ULBP3: variants seen among roughly 807,000 people sequenced by gnomAD.
ULBP3 encodes UL16-binding protein 3.
A neutral mutation model predicts 24.9 loss-of-function variants in ULBP3; 25 were observed. The ratio of observed to expected loss-of-function variants is 1.00; its 90% CI spans 0.73 to 1.40. The LOEUF (loss-of-function observed/expected upper bound fraction) is 1.40, where lower values mean the gene tolerates loss of function less well. Ranked by LOEUF, ULBP3 falls within the 40% of genes most tolerant of loss-of-function variation. The pLI, the probability that ULBP3 is intolerant of heterozygous loss-of-function variation, is 0.00. For missense variants in ULBP3, 306 were observed against 307.5 expected, an observed-to-expected ratio of 1.00 and a Z score of 0.04; for synonymous variants, 114 against 114.7, an observed-to-expected ratio of 0.99 and a Z score of 0.04.
chr6:150,065,533 C>T lies in ULBP3; in HGVS notation c.493G>A (p.Gly165Arg). 6.2e-7 allele frequency: 1 copy of T among 1,614,188 alleles called. No individual in the cohort carries two copies. The highest frequency in any genetic ancestry group is 1.3e-5 in the African/African-American group (1 of 75,038). The stretch of plus-strand genomic sequence containing the variant: ...CACTTCTCTTTCATCCGCCTGGCTC[C>T]AGCGTGAACCACTGTCCACTTTCTG... Reference protein sequence around the residue: ...NNRKWTVVHAGARRMKEKWEK... With the variant: ...NNRKWTVVHARARRMKEKWEK... The change falls in exon 3 of 5, where the codon GGA becomes AGA. Residue 165 changes from glycine to arginine, a missense_variant. Physicochemically the swap from Gly to Arg is moderately radical, Grantham distance 125. Coordinates refer to ENST00000367339, the MANE Select transcript of ULBP3 (RefSeq NM_024518.3).
At chr6:150,064,956 G>A (rs1016464129) in intron 3 of ULBP3, among the ~76,000 whole-genome samples, 17 of 151,918 alleles carry the variant, frequency 1.1e-4, no homozygotes, top group Admixed American at 3.9e-4. Context: ...CTGCTGTGGC[G>A]GAAGAGGAGG....
chr6:150,068,650 C>T (rs114958871), intron 1 of ULBP3, among the ~76,000 whole-genome samples: 3,668 of 152,318 alleles, frequency 0.024, 149 homozygotes, highest in African/African-American at 0.082. Flanking sequence ...GTTCCGGGGG[C>T]TCTGGTTTCT....
At chr6:150,065,765 C>G in intron 2 of ULBP3, 92 bp from the exon 3 acceptor site, 1 of 1,581,254 alleles carries the variant, frequency 6.3e-7, no homozygotes, top group East Asian at 2.2e-5. Flanking sequence ...TCATCTGGTC[C>G]TGTTGTCTCC....
intron 1 of ULBP3, among the ~76,000 whole-genome samples, chr6:150,067,034 C>T (rs535063941): frequency 3.7e-4 from 57 of 152,220 alleles, no homozygotes; most frequent in African/African-American, 1.3e-3. Context: ...TAGCTGGGGT[C>T]CTCAGTCTTA....
intron 3 of ULBP3, 150 bp from the exon 4 acceptor site, chr6:150,064,863 A>G: frequency 2.6e-6 from 2 of 784,080 alleles, no homozygotes; most frequent in East Asian, 5.5e-5. Flanking sequence ...TCCTGGGGGT[A>G]GGAAGGGAGA....
rs1302909682 is a variant in ULBP3, at chr6:150,063,334, C to G, written c.*40G>C. Reference sequence around the variant, plus strand: ...AACCAGACCAGGCTAACAGAGGCTTCTTGATATCACCTTCCACCTTGAGGA... The same window carrying G: ...AACCAGACCAGGCTAACAGAGGCTTGTTGATATCACCTTCCACCTTGAGGA... On this transcript the variant is annotated 3_prime_UTR_variant, in exon 5 of 5. Transcript: ENST00000367339. 1.0e-6 allele frequency: 1 copy of G among 978,568 alleles called. No homozygotes were observed. The highest frequency in any genetic ancestry group is 1.1e-4 in the East Asian group (1 of 8,796). 60.6% of individuals were successfully genotyped at this position (978,568 alleles called of 1,614,324 possible).
At position 150,061,633 on chromosome 6, in the gene ULBP3, A is replaced by AT. The variant is rs1366190621; in HGVS notation, c.*1740dup. On this transcript the variant is annotated 3_prime_UTR_variant, in exon 5 of 5. Transcript: ENST00000367339. ...GATTTCCATGGTGTTTATGTACCACATTTTTTTCATTCAATTCAGTGTTGC... is the reference window on the plus strand; with the variant it reads ...GATTTCCATGGTGTTTATGTACCACATTTTTTTTCATTCAATTCAGTGTTGC... Among the ~76,000 whole-genome samples, 1 of 152,082 alleles carries AT rather than the reference A, an allele frequency of 6.6e-6. No individual in the cohort carries two copies. Among genetic ancestry groups the AT allele is most frequent in the Non-Finnish European group, 1.5e-5 (1 of 68,004 alleles).
At chr6:150,068,397 C>T (rs1446327391) in intron 1 of ULBP3, among the ~76,000 whole-genome samples, 3 of 152,162 alleles carry the variant, frequency 2.0e-5, no homozygotes, top group East Asian at 3.9e-4. Flanking sequence ...CAGCATGTGC[C>T]CTCATCTGGA....
chr6:150,065,435 G>T lies in ULBP3; in HGVS notation c.591C>A (p.Asp197Glu), dbSNP rs936495698. 6.2e-7 allele frequency: 1 copy of T among 1,614,200 alleles called. No homozygotes were observed. Among genetic ancestry groups the T allele is most frequent in the African/African-American group, 1.3e-5 (1 of 75,052 alleles). The change falls in exon 3 of 5, where the codon GAC becomes GAA. Residue 197 changes from aspartate (D) to glutamate (E), a missense_variant. Physicochemically the swap from Asp to Glu is conservative, Grantham distance 45 (BLOSUM62 2). Transcript: ENST00000367339. ...GCCTCTTCTTCCTGTGCATCAGGAA[G>T]TCCCTAAGCCAGCTCTTGCAGTCTC... is the stretch of plus-strand genomic sequence containing the variant. ...SMRDCKSWLRDFLMHRKKRLE... is the reference protein window; with the variant it reads ...SMRDCKSWLREFLMHRKKRLE...
rs1776274277 is a variant in ULBP3, at chr6:150,061,580, T to A, written c.*1794A>T. Reference sequence around the variant, plus strand: ...TCCATCCATGTTGCTGAAAAGGACATGATTTTGCTGTGTTTGGTGGCTGCA... The same window carrying A: ...TCCATCCATGTTGCTGAAAAGGACAAGATTTTGCTGTGTTTGGTGGCTGCA... On this transcript the variant is annotated 3_prime_UTR_variant, in exon 5 of 5. Coordinates refer to ENST00000367339, the MANE Select transcript of ULBP3 (RefSeq NM_024518.3). Among the ~76,000 whole-genome samples, 1 of 152,198 alleles carries A rather than the reference T, an allele frequency of 6.6e-6. No homozygotes were observed. Among genetic ancestry groups the A allele is most frequent in the Admixed American group, 6.5e-5 (1 of 15,278 alleles).
At chr6:150,065,106 C>T (rs1776326015) in intron 3 of ULBP3, among the ~76,000 whole-genome samples, 1 of 151,934 alleles carries the variant, frequency 6.6e-6, no homozygotes. Context: ...GGTCTAGAAA[C>T]ACAATGACGC....
rs1478427390 is a variant in ULBP3 at position 150,062,492 on chromosome 6, T to C, written c.*882A>G. ...ATCACTTGAGCCCAGGAGTTGGAGATTACAGTGAGTGATGACTATGCCACT... is the reference window on the plus strand; with the variant it reads ...ATCACTTGAGCCCAGGAGTTGGAGACTACAGTGAGTGATGACTATGCCACT... On this transcript the variant is annotated 3_prime_UTR_variant, in exon 5 of 5. Coordinates refer to ENST00000367339, the MANE Select transcript of ULBP3 (RefSeq NM_024518.3). Among the ~76,000 whole-genome samples, 1 of 151,834 alleles carries C rather than the reference T, an allele frequency of 6.6e-6. No homozygotes were observed. The highest frequency in any genetic ancestry group is 1.5e-5 in the Non-Finnish European group (1 of 67,966).
chr6:150,066,284 C>G, intron 1 of ULBP3, 122 bp from the exon 2 acceptor site: 1 of 1,165,490 alleles, frequency 8.6e-7, no homozygotes, highest in South Asian at 1.6e-5. Context: ...TCTTCCTGGA[C>G]GGTGGTCTCT....
chr6:150,068,590 T>C (rs1183950711), intron 1 of ULBP3, among the ~76,000 whole-genome samples: 1 of 152,246 alleles, frequency 6.6e-6, no homozygotes, highest in Non-Finnish European at 1.5e-5. Flanking sequence ...GTCTGCTTAG[T>C]GACTATTCTA....
At position 150,065,430 on chromosome 6, in the gene ULBP3, A is replaced by G; in HGVS notation, c.596T>C (p.Leu199Pro). 1 of 1,614,170 alleles carries G rather than the reference A, an allele frequency of 6.2e-7. No homozygotes were observed. The highest frequency in any genetic ancestry group is 2.2e-5 in the East Asian group (1 of 44,880). The change falls in exon 3 of 5, where the codon CTG becomes CCG. Residue 199 changes from leucine (L) to proline (P), a missense_variant. By Grantham distance (98) the Leu-to-Pro change is moderately conservative. Transcript: ENST00000367339. ...TTCCAGCCTCTTCTTCCTGTGCATC[A>G]GGAAGTCCCTAAGCCAGCTCTTGCA... The part of the protein sequence containing the change: ...RDCKSWLRDF[L>P]MHRKKRLEPT...
chr6:150,066,790 C>G (rs542859808), intron 1 of ULBP3, among the ~76,000 whole-genome samples: 316 of 151,316 alleles, frequency 2.1e-3, no homozygotes, highest in Non-Finnish European at 3.8e-3. Flanking sequence ...CTGGAAGACT[C>G]CTGTTTACCT....
intron 1 of ULBP3, among the ~76,000 whole-genome samples, chr6:150,068,071 G>A (rs962021160): frequency 2.6e-5 from 4 of 152,068 alleles, no homozygotes; most frequent in Non-Finnish European, 5.9e-5. Context: ...GGATGGGCAG[G>A]AGCAGGGCCA....
Position 150,066,122 on chromosome 6 carries a change from C to G in ULBP3, c.129G>C (p.Leu43Phe). 1 of 1,613,678 alleles carries G rather than the reference C, an allele frequency of 6.2e-7. No homozygotes were observed. The highest frequency in any genetic ancestry group is 8.5e-7 in the Non-Finnish European group (1 of 1,179,934). Reference sequence around the variant, plus strand: ...CACACCACTGTTGCCCATGTCTGGGCAAATGAATGATGGTGAAGTTATACC... The same window carrying G: ...CACACCACTGTTGCCCATGTCTGGGGAAATGAATGATGGTGAAGTTATACC... The part of the protein sequence containing the change: ...SLWYNFTIIH[L>F]PRHGQQWCEV... The change falls in exon 2 of 5, where the codon TTG becomes TTC. Residue 43 changes from leucine to phenylalanine, a missense_variant. By Grantham distance (22) the Leu-to-Phe change is conservative. Coordinates refer to ENST00000367339, the MANE Select transcript of ULBP3 (RefSeq NM_024518.3).
chr6:150,065,668 G>T lies in ULBP3; in HGVS notation c.358C>A (p.Leu120Ile). 6.2e-7 allele frequency: 1 copy of T among 1,614,162 alleles called. No homozygotes were observed. Among genetic ancestry groups the T allele is most frequent in the East Asian group, 2.2e-5 (1 of 44,882 alleles). The part of the protein sequence containing the change: ...ELEDFTPSGP[L>I]TLQVRMSCEC... ...CAAGACATCCTGACCTGCAGCGTGA[G>T]GGGTCCTGCCCCAATCAGAAAGAGA... Residue 120 changes from leucine to isoleucine, a missense_variant, in exon 3 of 5, where the codon CTC becomes ATC. Physicochemically the swap from Leu to Ile is conservative, Grantham distance 5 (BLOSUM62 2). Transcript: ENST00000367339.
Sources: gnomAD v4.1 joint callset for allele counts (sites outside exome capture counted in the v4.1 genomes callset) on GRCh38, gnomAD v4.1.1 for gene constraint, MANE v1.5 for transcripts, NCBI Gene and HGNC (gene_info 2026-07-23, HGNC 2026-07-21) for gene names.